Variants in ATP11C observed in about 807,000 individuals in gnomAD.
The protein encoded by ATP11C is ATPase phospholipid transporting 11C (ATP11C blood group).
In ATP11C, 36 loss-of-function variants were observed where a neutral mutation model predicts 97.4. The observed-to-expected ratio is 0.37, with a 90% CI of 0.28 to 0.49. The LOEUF is 0.49. Ranked by LOEUF, ATP11C falls within the 20% of genes least tolerant of loss-of-function variation. The pLI is 0.98. For synonymous variants in ATP11C, 275 were observed against 290.9 expected (o/e 0.95, Z 0.56); for missense variants, 730 against 824.6 (o/e 0.89, Z 1.40).
intron 25 of ATP11C, 116 bp from the exon 26 acceptor site, chrX:139,743,740 A>G (rs2148634764): frequency 2.3e-6 from 1 of 425,866 alleles, no homozygotes; most frequent in Non-Finnish European, 4.0e-6. Flanking sequence ...ATATTTTTGT[A>G]TGAATTGTTT....
intron 1 of ATP11C, among the ~76,000 whole-genome samples, chrX:139,851,645 G>A (rs990115628): frequency 3.6e-5 from 4 of 111,926 alleles, no homozygotes; most frequent in Non-Finnish European, 7.5e-5. Context: ...TCCAACCTGT[G>A]AGTTACTGAG....
In ATP11C at chrX:139,868,361, T is replaced by C. The variant is rs183975210; in HGVS notation, c.28-41538A>G. Among the ~76,000 whole-genome samples, 362 of 110,660 alleles carry C rather than the reference T, an allele frequency of 3.3e-3. 3 individuals carry two copies. Among genetic ancestry groups the C allele is most frequent in the Non-Finnish European group, 5.4e-3 (286 of 52,970 alleles). Reference sequence around the variant, plus strand: ...ATCAACAGAACGAATAGGCAACCTATGGAATGGGAGAAAATATTTGGAAAC... The same window carrying C: ...ATCAACAGAACGAATAGGCAACCTACGGAATGGGAGAAAATATTTGGAAAC... On this transcript the variant is annotated intron_variant, in intron 1 of 29. Coordinates refer to ENST00000682941, the MANE Select transcript of ATP11C (RefSeq NM_001353812.2).
intron 2 of ATP11C, among the ~76,000 whole-genome samples, chrX:139,822,509 G>A (rs2083434559): frequency 1.8e-5 from 2 of 111,538 alleles, no homozygotes; most frequent in African/African-American, 3.3e-5. Flanking sequence ...CGCCTCCCAG[G>A]TTCAAGCGAT....
intron 28 of ATP11C, among the ~76,000 whole-genome samples, chrX:139,733,869 A>G (rs1375042911): frequency 8.9e-6 from 1 of 111,772 alleles, no homozygotes; most frequent in Non-Finnish European, 1.9e-5. Context: ...AGGTGTTAAA[A>G]CTACTTTATA....
At chrX:139,934,904 T>C (rs144566915), upstream of ATP11C, among the ~76,000 whole-genome samples, 420 of 111,861 alleles carry the variant, frequency 3.8e-3, 1 homozygote, top group African/African-American at 0.013. Context: ...ACTAGTTTAT[T>C]TGTTGAACGA....
At chrX:139,770,407 G>A (rs910266406) in intron 19 of ATP11C, among the ~76,000 whole-genome samples, 1 of 112,076 alleles carries the variant, frequency 8.9e-6, no homozygotes, top group South Asian at 3.7e-4. Flanking sequence ...ATGTATGTTG[G>A]GGTGCACTGC....
chrX:139,779,785 AAC>A (rs1217556648), intron 18 of ATP11C, among the ~76,000 whole-genome samples: 9 of 111,933 alleles, frequency 8.0e-5, no homozygotes, highest in African/African-American at 2.6e-4. Flanking sequence ...GGATCAATGA[AAC>A]AAAAATGAAA....
At chrX:139,754,818 A>C (rs182492743) in intron 23 of ATP11C, among the ~76,000 whole-genome samples, 16 of 112,157 alleles carry the variant, frequency 1.4e-4, no homozygotes, top group Non-Finnish European at 2.6e-4. Flanking sequence ...CTCTCAACAA[A>C]CGAGGCACTG....
At chrX:139,835,594 G>A (rs906319051) in intron 1 of ATP11C, among the ~76,000 whole-genome samples, 3 of 108,432 alleles carry the variant, frequency 2.8e-5, no homozygotes, top group Non-Finnish European at 5.8e-5. Flanking sequence ...TAGTAAAGAC[G>A]GGTTTTCGCC....
intron 1 of ATP11C, among the ~76,000 whole-genome samples, chrX:139,928,476 T>C (rs1030474513): frequency 8.9e-6 from 1 of 112,102 alleles, no homozygotes; most frequent in Non-Finnish European, 1.9e-5. Context: ...AAAACCTTCT[T>C]GCTCCTGGGG....
At chrX:139,913,184 G>A (rs1214706517) in intron 1 of ATP11C, among the ~76,000 whole-genome samples, 2 of 112,047 alleles carry the variant, frequency 1.8e-5, no homozygotes, top group Non-Finnish European at 1.9e-5. Context: ...GAGTAAGAGT[G>A]CTTTTGAAAA....
At chrX:139,930,170 G>T (rs1450735503) in intron 1 of ATP11C, among the ~76,000 whole-genome samples, 5 of 111,270 alleles carry the variant, frequency 4.5e-5, no homozygotes, top group Non-Finnish European at 9.4e-5. Context: ...GGTCGGGGAT[G>T]CAAAGTACTA....
At chrX:139,897,267 C>T (rs1333843522) in intron 1 of ATP11C, among the ~76,000 whole-genome samples, 2 of 110,937 alleles carry the variant, frequency 1.8e-5, no homozygotes, top group Admixed American at 9.6e-5. Context: ...ACAGGTATCC[C>T]AAAATATGTA....
At chrX:139,908,302 G>A (rs1247026567) in intron 1 of ATP11C, among the ~76,000 whole-genome samples, 1 of 111,656 alleles carries the variant, frequency 9.0e-6, no homozygotes, top group East Asian at 2.8e-4. Context: ...TCAGTTATCT[G>A]CTTAAATGTC....
At chrX:139,872,506 T>TC (rs2084394898) in intron 1 of ATP11C, among the ~76,000 whole-genome samples, 1 of 96,549 alleles carries the variant, frequency 1.0e-5, no homozygotes, top group Non-Finnish European at 2.0e-5. Flanking sequence ...ATGCTATCCC[T>TC]CCCCGCTCCC....
intron 2 of ATP11C, among the ~76,000 whole-genome samples, chrX:139,825,287 G>A: frequency 9.0e-6 from 1 of 111,394 alleles, no homozygotes; most frequent in Non-Finnish European, 1.9e-5. Flanking sequence ...TCTACTCCTG[G>A]TTTTATTACT....
Position 139,740,613 on chromosome X carries a change from T to A in ATP11C, c.3134+378A>T, listed in dbSNP as rs559608974. ...TATCAAGAGAAAATAAGGGTCCAAA[T>A]GGACAATAATGTATCTGTTGGTCAA... On this transcript the variant is annotated intron_variant, in intron 27 of 29. Coordinates refer to ENST00000682941, the MANE Select transcript of ATP11C (RefSeq NM_001353812.2). Among the ~76,000 whole-genome samples, 7 of 111,933 alleles carry A rather than the reference T, an allele frequency of 6.3e-5. No individual in the cohort carries two copies. The South Asian group carries it at 2.6e-3, about 42-fold the overall frequency.
At chrX:139,782,241 G>C (rs752948729) in intron 18 of ATP11C, among the ~76,000 whole-genome samples, 1 of 108,610 alleles carries the variant, frequency 9.2e-6, no homozygotes, top group South Asian at 4.1e-4. Flanking sequence ...GCAGGAGAAC[G>C]GCGTGAACCT....
intron 28 of ATP11C, among the ~76,000 whole-genome samples, chrX:139,733,801 C>A (rs1169463532): frequency 2.7e-5 from 3 of 111,455 alleles, no homozygotes; most frequent in Non-Finnish European, 5.7e-5. Flanking sequence ...ACACTTGTAT[C>A]CAACCATCGG....
Sources: gnomAD v4.1 joint callset for allele counts (sites outside exome capture counted in the v4.1 genomes callset) on GRCh38, gnomAD v4.1.1 for gene constraint, MANE v1.5 for transcripts, NCBI Gene and HGNC (gene_info 2026-07-23, HGNC 2026-07-21) for gene names.